RAB31: variants seen among roughly 807,000 people sequenced by gnomAD.
RAB31 encodes the protein RAB31, member RAS oncogene family.
In RAB31, 21 loss-of-function variants were observed where a neutral mutation model predicts 25.6. The ratio of observed to expected loss-of-function variants is 0.82; its 90% CI spans 0.58 to 1.18. The LOEUF (loss-of-function observed/expected upper bound fraction) is 1.18. Among genes scored for constraint, RAB31 ranks in the 50% most tolerant of loss-of-function variants. The pLI is 0.00. For synonymous variants in RAB31, 87 were observed against 84.0 expected, an observed-to-expected ratio of 1.04 and a Z score of -0.20; for missense variants, 196 against 250.1, an observed-to-expected ratio of 0.78 and a Z score of 1.46.
At chr18:9,816,658 A>G (rs1168349012) in intron 5 of RAB31, among the ~76,000 whole-genome samples, 1 of 152,208 alleles carries the variant, frequency 6.6e-6, no homozygotes, top group Non-Finnish European at 1.5e-5. Flanking sequence ...TTATATCTTG[A>G]AGGAGGTTGT....
intron 3 of RAB31, 82 bp downstream of exon 3, chr18:9,792,317 G>T (rs1599040415): frequency 1.3e-6 from 2 of 1,510,944 alleles, no homozygotes; most frequent in East Asian, 2.5e-5. Flanking sequence ...CATTAGACAA[G>T]ACTCTTGGTT....
chr18:9,799,110 T>G (rs2068501345), intron 3 of RAB31, among the ~76,000 whole-genome samples: 1 of 152,020 alleles, frequency 6.6e-6, no homozygotes, highest in Non-Finnish European at 1.5e-5. Flanking sequence ...AGAGATGAGG[T>G]CTTGCTATGT....
At chr18:9,746,124 G>A (rs1162972816) in intron 1 of RAB31, among the ~76,000 whole-genome samples, 2 of 152,210 alleles carry the variant, frequency 1.3e-5, no homozygotes, top group African/African-American at 4.8e-5. Flanking sequence ...TACACCAGCA[G>A]TGAACAATTT....
At chr18:9,730,270 C>G (rs929687779) in intron 1 of RAB31, among the ~76,000 whole-genome samples, 3 of 150,568 alleles carry the variant, frequency 2.0e-5, no homozygotes, top group Middle Eastern at 3.5e-3. Flanking sequence ...TTACAAAGTC[C>G]TTCGAGCCTC....
chr18:9,758,813 C>T (rs2068272864), intron 1 of RAB31, among the ~76,000 whole-genome samples: 1 of 151,978 alleles, frequency 6.6e-6, no homozygotes, highest in South Asian at 2.1e-4. Context: ...TGTCTATCTC[C>T]CCATGAGGAC....
intron 2 of RAB31, among the ~76,000 whole-genome samples, chr18:9,789,336 T>C (rs1161549263): frequency 6.6e-6 from 1 of 152,210 alleles, no homozygotes; most frequent in Non-Finnish European, 1.5e-5. Context: ...TGAATAAGGC[T>C]AACAATAATT....
At chr18:9,769,336 G>T (rs1488339405) in intron 1 of RAB31, among the ~76,000 whole-genome samples, 1 of 152,170 alleles carries the variant, frequency 6.6e-6, no homozygotes, top group African/African-American at 2.4e-5. Context: ...AGCATGGAAT[G>T]TTCTTCCATT....
chr18:9,765,966 TG>T (rs2068313978), intron 1 of RAB31, among the ~76,000 whole-genome samples: 1 of 134,310 alleles, frequency 7.4e-6, no homozygotes, highest in Non-Finnish European at 1.6e-5. Context: ...TGGGGGAGAG[TG>T]GGTGGGAGGA....
intron 1 of RAB31, among the ~76,000 whole-genome samples, chr18:9,754,791 C>T (rs1159629161): frequency 6.6e-6 from 1 of 152,124 alleles, no homozygotes; most frequent in Non-Finnish European, 1.5e-5. Flanking sequence ...GAACCAATGC[C>T]CCCAGGATAC....
chr18:9,757,929 A>G (rs2068268026), intron 1 of RAB31: 1 of 152,246 alleles, frequency 6.6e-6, no homozygotes, highest in Non-Finnish European at 1.5e-5. Flanking sequence ...TTCCTTGTGT[A>G]AGAGCATGTA....
chr18:9,750,398 G>A (rs8086030), intron 1 of RAB31, among the ~76,000 whole-genome samples: 67,834 of 152,126 alleles, frequency 0.45, 15,138 homozygotes, highest in South Asian at 0.51. Flanking sequence ...CCATTTAGCA[G>A]AAAAGGACAT....
chr18:9,782,675 G>A (rs2068411242), intron 2 of RAB31, among the ~76,000 whole-genome samples: 1 of 152,138 alleles, frequency 6.6e-6, no homozygotes, highest in Non-Finnish European at 1.5e-5. Context: ...AATCTACACA[G>A]AAGAAAAGAT....
chr18:9,798,954 G>A lies in RAB31; in HGVS notation c.201+6719G>A, dbSNP rs534220927. Among the ~76,000 whole-genome samples the A allele has an allele frequency of 2.6e-5, 4 of 152,288 alleles. No individual in the cohort carries two copies. The East Asian group carries it at 7.7e-4, about 29-fold the overall frequency. ...AATAGAAAAAGTAGCTGGGCGTGGTGGCACTTGTAGTCCCAGTTACTTGGG... is the reference window on the plus strand; with the variant it reads ...AATAGAAAAAGTAGCTGGGCGTGGTAGCACTTGTAGTCCCAGTTACTTGGG... On this transcript the variant is annotated intron_variant, in intron 3 of 6. Transcript: ENST00000578921.
At chr18:9,714,827 G>A (rs2145453466) in intron 1 of RAB31, among the ~76,000 whole-genome samples, 1 of 152,292 alleles carries the variant, frequency 6.6e-6, no homozygotes, top group Non-Finnish European at 1.5e-5. Flanking sequence ...GAGCTCTGTG[G>A]CATTGACTGG....
intron 6 of RAB31, among the ~76,000 whole-genome samples, chr18:9,846,677 C>T (rs1282170169): frequency 5.3e-5 from 8 of 152,160 alleles, no homozygotes; most frequent in Non-Finnish European, 2.9e-5. Flanking sequence ...GCAGAGCTCT[C>T]AAAGTCAGAG....
chr18:9,784,685 T>C (rs943322064), intron 2 of RAB31, among the ~76,000 whole-genome samples: 4 of 151,936 alleles, frequency 2.6e-5, no homozygotes, highest in Admixed American at 6.6e-5. Flanking sequence ...CCGACGTAGC[T>C]GGGATTACAG....
intron 3 of RAB31, among the ~76,000 whole-genome samples, chr18:9,809,055 T>C (rs77817840): frequency 0.023 from 3,525 of 151,632 alleles, 63 homozygotes; most frequent in Admixed American, 0.071. Context: ...TGTGTGTGTG[T>C]GCGCGCGCAC....
intron 5 of RAB31, among the ~76,000 whole-genome samples, chr18:9,819,729 C>T (rs1224504479): frequency 1.3e-5 from 2 of 151,964 alleles, no homozygotes; most frequent in African/African-American, 4.8e-5. Flanking sequence ...TTTAATAGGT[C>T]TTCTTTAATT....
At chr18:9,754,790 C>A (rs975062260) in intron 1 of RAB31, among the ~76,000 whole-genome samples, 1 of 152,262 alleles carries the variant, frequency 6.6e-6, no homozygotes, top group East Asian at 1.9e-4. Flanking sequence ...GGAACCAATG[C>A]CCCCAGGATA....
Sources: allele counts gnomAD v4.1 joint callset (sites outside exome capture counted in the v4.1 genomes callset), GRCh38; gene constraint gnomAD v4.1.1; transcripts MANE v1.5; gene names NCBI Gene and HGNC (gene_info 2026-07-23, HGNC 2026-07-21).